The following GBE1 variants were observed in gnomAD, a reference collection of about 807,000 sequenced individuals.
GBE1 encodes the protein 1,4-alpha-glucan branching enzyme 1, also known as 1,4-alpha-glucan-branching enzyme.
GBE1 carries 70 observed loss-of-function variants against 88.8 expected under a neutral mutation model. That is an observed-to-expected ratio of 0.79 (90% CI 0.65 to 0.96). The LOEUF is 0.96. Among genes scored for constraint, GBE1 ranks in the 40% least tolerant of loss-of-function variants. The pLI, the probability that GBE1 is intolerant of heterozygous loss-of-function variation, is 0.00. For missense variants in GBE1, 872 were observed against 871.0 expected (o/e 1.00, Z -0.01); for synonymous variants, 284 against 300.1 (o/e 0.95, Z 0.56).
At chr3:81,502,920 C>T (rs374788680) in intron 14 of GBE1, among the ~76,000 whole-genome samples, 15 of 152,256 alleles carry the variant, frequency 9.9e-5, no homozygotes, top group African/African-American at 3.6e-4. Context: ...ACATAGCACA[C>T]AAAATAAATT....
chr3:81,582,220 A>G (rs1022271239), intron 10 of GBE1, among the ~76,000 whole-genome samples: 2 of 152,088 alleles, frequency 1.3e-5, no homozygotes, highest in Admixed American at 1.3e-4. Flanking sequence ...AGAACGTGGA[A>G]GGCAGAAGAG....
intron 2 of GBE1, among the ~76,000 whole-genome samples, chr3:81,695,721 A>C (rs1705581090): frequency 6.6e-6 from 1 of 152,232 alleles, no homozygotes; most frequent in Non-Finnish European, 1.5e-5. Flanking sequence ...CGAGAGTATT[A>C]ACAGGCCTTC....
intron 12 of GBE1, among the ~76,000 whole-genome samples, chr3:81,539,886 T>C (rs1374945441): frequency 6.6e-6 from 1 of 151,710 alleles, no homozygotes; most frequent in Non-Finnish European, 1.5e-5. Flanking sequence ...ACGATAAAAA[T>C]AAGGTACTGA....
intron 14 of GBE1, chr3:81,534,706 C>A (rs573378218): frequency 3.9e-5 from 6 of 152,144 alleles, no homozygotes; most frequent in African/African-American, 9.7e-5. Flanking sequence ...AGGTAACTTA[C>A]AAAATATTTT....
intron 14 of GBE1, among the ~76,000 whole-genome samples, chr3:81,517,824 T>C (rs1037987326): frequency 6.6e-6 from 1 of 151,354 alleles, no homozygotes; most frequent in Non-Finnish European, 1.5e-5. Context: ...TCAGGAGTTA[T>C]TTCACCACTA....
chr3:81,522,515 T>G (rs1183595605), intron 14 of GBE1, among the ~76,000 whole-genome samples: 1 of 151,430 alleles, frequency 6.6e-6, no homozygotes, highest in African/African-American at 2.4e-5. Flanking sequence ...TAAATTATGT[T>G]GGAAATGCTC....
chr3:81,547,118 G>T (rs564825520), intron 12 of GBE1, among the ~76,000 whole-genome samples: 1 of 151,476 alleles, frequency 6.6e-6, no homozygotes, highest in South Asian at 2.1e-4. Flanking sequence ...GGCACGTGGG[G>T]TGCATATACC....
intron 2 of GBE1, among the ~76,000 whole-genome samples, chr3:81,695,030 C>G (rs1300774120): frequency 6.6e-6 from 1 of 152,140 alleles, no homozygotes; most frequent in Non-Finnish European, 1.5e-5. Flanking sequence ...TGTTCACTGC[C>G]CACTTGCAGA....
chr3:81,686,048 C>T (rs903438573), intron 2 of GBE1, among the ~76,000 whole-genome samples: 1 of 152,166 alleles, frequency 6.6e-6, no homozygotes, highest in Non-Finnish European at 1.5e-5. Flanking sequence ...GGTTCCCCCT[C>T]CTTGGGCTTC....
intron 3 of GBE1, among the ~76,000 whole-genome samples, chr3:81,655,817 G>A (rs1164064513): frequency 6.6e-6 from 1 of 152,152 alleles, no homozygotes; most frequent in Non-Finnish European, 1.5e-5. Context: ...ACCACGCCCA[G>A]CCAAATGTGT....
intron 15 of GBE1, among the ~76,000 whole-genome samples, chr3:81,495,032 T>A (rs1173058276): frequency 1.3e-5 from 2 of 152,168 alleles, no homozygotes; most frequent in African/African-American, 4.8e-5. Context: ...ATTTAAAAAA[T>A]TCCCTTAGAA....
intron 14 of GBE1, among the ~76,000 whole-genome samples, chr3:81,517,978 G>A (rs1020105742): frequency 6.6e-6 from 1 of 151,208 alleles, no homozygotes; most frequent in South Asian, 2.1e-4. Flanking sequence ...ACATATCATT[G>A]TTGATATATA....
At position 81,490,184 on chromosome 3, in the gene GBE1, A is replaced by G. The variant is rs2106796630; in HGVS notation, c.*223T>C. Reference sequence around the variant, plus strand: ...TTTGAGAATCCTAGCTGCTAAGATGACTTGAAAATATGGTCTAGGATTCCT... The same window carrying G: ...TTTGAGAATCCTAGCTGCTAAGATGGCTTGAAAATATGGTCTAGGATTCCT... On this transcript the variant is annotated 3_prime_UTR_variant, in exon 16 of 16. Transcript: ENST00000429644. 1.9e-6 allele frequency: 1 copy of G among 515,916 alleles called. No homozygotes were observed. Among genetic ancestry groups the G allele is most frequent in the South Asian group, 2.7e-5 (1 of 36,374 alleles). 32.0% of individuals were successfully genotyped at this position (515,916 alleles called of 1,614,324 possible).
At chr3:81,657,441 A>T (rs1704957986) in intron 3 of GBE1, among the ~76,000 whole-genome samples, 1 of 152,152 alleles carries the variant, frequency 6.6e-6, no homozygotes, top group South Asian at 2.1e-4. Flanking sequence ...GGAAGATGAA[A>T]ATCAGAAACA....
At position 81,503,901 on chromosome 3, in the gene GBE1, TAGGA is replaced by T. The variant is rs753753815; in HGVS notation, c.1935-4678_1935-4675del. ...CTCACAGTTCTGCAGACCATACATA[TAGGA>T]AGCATGGTGCTGGCATCTGCTTTTG... On this transcript the variant is annotated intron_variant, in intron 14 of 15. Transcript: ENST00000429644. Among the ~76,000 whole-genome samples the T allele has an allele frequency of 2.6e-5, 4 of 152,114 alleles. 1 individual carries two copies. Among genetic ancestry groups the T allele is most frequent in the East Asian group, 3.9e-4 (2 of 5,192 alleles).
intron 6 of GBE1, among the ~76,000 whole-genome samples, chr3:81,643,850 C>T (rs1448318354): frequency 1.3e-5 from 2 of 152,098 alleles, no homozygotes; most frequent in African/African-American, 2.4e-5. Context: ...ATCATGTTAC[C>T]TACTTAAAAT....
chr3:81,670,789 A>G, intron 3 of GBE1, 49 bp downstream of exon 3: 1 of 1,007,392 alleles, frequency 9.9e-7, no homozygotes, highest in Non-Finnish European at 1.4e-6. Flanking sequence ...GGCAAACAAG[A>G]TAAAAAGAAA....
chr3:81,761,289 A>G, intron 1 of GBE1, 86 bp downstream of exon 1: 1 of 1,481,674 alleles, frequency 6.7e-7, no homozygotes, highest in South Asian at 1.3e-5. Context: ...TTGGCGCGCG[A>G]GGGCCGAGGG....
At chr3:81,508,268 A>T (rs976176413) in intron 14 of GBE1, among the ~76,000 whole-genome samples, 2 of 152,172 alleles carry the variant, frequency 1.3e-5, no homozygotes, top group Non-Finnish European at 2.9e-5. Context: ...AGAAGATTAT[A>T]TAACTTAAAC....
Sources: allele counts gnomAD v4.1 joint callset (sites outside exome capture counted in the v4.1 genomes callset), GRCh38; gene constraint gnomAD v4.1.1; transcripts MANE v1.5; gene names NCBI Gene and HGNC (gene_info 2026-07-23, HGNC 2026-07-21).